ZNF418: variants seen among roughly 807,000 people sequenced by gnomAD.
ZNF418 encodes zinc finger protein 418.
In ZNF418, 32 loss-of-function variants were observed where a neutral mutation model predicts 32.0. The observed-to-expected ratio is 1.00, with a 90% CI of 0.75 to 1.34. The LOEUF (loss-of-function observed/expected upper bound fraction) is 1.34. Ranked by LOEUF, ZNF418 falls within the 40% of genes most tolerant of loss-of-function variation. ZNF418 has a pLI of 0.00. For missense variants in ZNF418, 804 were observed against 812.5 expected (o/e 0.99, Z 0.13); for synonymous variants, 276 against 270.7 (o/e 1.02, Z -0.19).
chr19:57,926,650 C>CA lies in ZNF418; in HGVS notation c.1530dup (p.Glu511Ter), dbSNP rs775561982. On this transcript the variant is annotated frameshift_variant, in exon 4 of 6. Transcript: ENST00000396147. LOFTEE classifies it low-confidence loss of function (END_TRUNC). ...AATGACTTCCCACATTCACTACACTCAAACGGTTTTTCTCCAGTGTGAACT... is the reference window on the plus strand; with the variant it reads ...AATGACTTCCCACATTCACTACACTCAAAACGGTTTTTCTCCAGTGTGAACT... 2.5e-6 allele frequency: 4 copies of CA among 1,614,142 alleles called. No homozygotes were observed. Among genetic ancestry groups the CA allele is most frequent in the Admixed American group, 3.3e-5 (2 of 60,032 alleles).
intron 5 of ZNF418, 36 bp downstream of exon 5, chr19:57,923,156 C>G (rs945967710): frequency 6.6e-6 from 1 of 151,888 alleles, no homozygotes; most frequent in Non-Finnish European, 1.5e-5. Flanking sequence ...CAAAAATTAA[C>G]CGGGCATGGT....
At position 57,926,238 on chromosome 19, in the gene ZNF418, T is replaced by A. The variant is rs776051380; in HGVS notation, c.1943A>T (p.Glu648Val). The part of the protein sequence containing the change: ...RRVHTGERPY[E>V]CSECGKSFHR... ...AAATGATTTTCCACATTCACTGCAC[T>A]CATAAGGCCTTTCTCCAGTGTGTAC... Residue 648 changes from glutamate to valine, a missense_variant, in exon 4 of 6, where the codon GAG (glutamate) becomes GTG (valine). Glu to Val is a moderately radical substitution (Grantham distance 121, BLOSUM62 -2). Coordinates refer to ENST00000396147, the MANE Select transcript of ZNF418 (RefSeq NM_133460.3). The A allele has an allele frequency of 9.3e-6, 15 of 1,613,802 alleles. No individual in the cohort carries two copies. Among genetic ancestry groups the A allele is most frequent in the Admixed American group, 3.3e-5 (2 of 59,976 alleles).
At position 57,927,921 on chromosome 19, in the gene ZNF418, C is replaced by T. The variant is rs2072316737; in HGVS notation, c.260G>A (p.Cys87Tyr). 2 of 1,614,074 alleles carry T rather than the reference C, an allele frequency of 1.2e-6. No homozygotes were observed. The highest frequency in any genetic ancestry group is 2.7e-5 in the African/African-American group (2 of 75,018). The stretch of plus-strand genomic sequence containing the variant: ...CAAAATGTCTCCCAAGATCGCGCCA[C>T]ACATTTCACAAGAGTGGGCCTTCTT... ...SPKKAHSCEM[C>Y]GAILGDILHL... The change falls in exon 4 of 6, where the codon TGT becomes TAT. Residue 87 changes from cysteine to tyrosine, a missense_variant. Coordinates refer to ENST00000396147, the MANE Select transcript of ZNF418 (RefSeq NM_133460.3).
In ZNF418 at chr19:57,934,892, G is replaced by A. The variant is rs1454623831; in HGVS notation, c.-81+269C>T. 11 of 564,272 alleles carry A rather than the reference G, an allele frequency of 1.9e-5. No homozygotes were observed. In the African/African-American group the frequency reaches 2.2e-4, roughly 11 times the overall value. 35.0% of individuals were successfully genotyped at this position (564,272 alleles called of 1,614,324 possible). A position where few individuals can be genotyped will look rare whatever the true frequency, so the allele number is the denominator to read the frequency against. On this transcript the variant is annotated intron_variant, in intron 1 of 5. Coordinates refer to ENST00000396147, the MANE Select transcript of ZNF418 (RefSeq NM_133460.3). ...AGCCTGCTCTTCCAGGAGAAGCTTC[G>A]CCTCACACGTTGTTCCCTACAGGCG...
rs1250174526 is a variant in ZNF418 at position 57,926,454 on chromosome 19, GAGA to G, written c.1724_1726del (p.Phe575del). The G allele has an allele frequency of 8.1e-6, 13 of 1,613,558 alleles. No individual in the cohort carries two copies. Among genetic ancestry groups the G allele is most frequent in the Admixed American group, 3.3e-5 (2 of 59,942 alleles). On this transcript the variant is annotated inframe_deletion, in exon 4 of 6. Coordinates refer to ENST00000396147, the MANE Select transcript of ZNF418 (RefSeq NM_133460.3). The stretch of plus-strand genomic sequence containing the variant: ...AACTCTCCTGTGTTCAAGGAGACTG[GAGA>G]AGAATTTCCCACATTCTCTGCACTC...
chr19:57,933,732 G>A (rs1212452142), intron 2 of ZNF418, 85 bp downstream of exon 2: 2 of 1,570,326 alleles, frequency 1.3e-6, no homozygotes, highest in South Asian at 1.1e-5. Flanking sequence ...AAAAAAAAAG[G>A]AAAATCTAGT....
chr19:57,933,075 T>C lies in ZNF418; in HGVS notation c.6+742A>G, dbSNP rs2072544931. ...CCTGGCCCCCACAAAAGATTTACCA[T>C]GAAAATTTGAAGTGTGTCAATGTCA... On this transcript the variant is annotated intron_variant, in intron 2 of 5. Transcript: ENST00000396147. Among the ~76,000 whole-genome samples the C allele has an allele frequency of 3.9e-5, 6 of 152,142 alleles. No individual in the cohort carries two copies. The South Asian group carries it at 1.2e-3, about 32-fold the overall frequency.
rs1213589647 is a variant in ZNF418 at position 57,935,317 on chromosome 19, A to T, written c.-237T>A. The stretch of plus-strand genomic sequence containing the variant: ...TTCAGACACCGCGGTTCGGACCCAT[A>T]GCTCCAGCGCCTCTCACCTCACAAA... On this transcript the variant is annotated 5_prime_UTR_variant, in exon 1 of 6. Transcript: ENST00000396147. 3.6e-5 allele frequency: 31 copies of T among 867,948 alleles called. No individual in the cohort carries two copies. The highest frequency in any genetic ancestry group is 4.2e-5 in the Non-Finnish European group (29 of 697,178). 53.8% of individuals were successfully genotyped at this position (867,948 alleles called of 1,614,324 possible). A position where few individuals can be genotyped will look rare whatever the true frequency, so the allele number is the denominator to read the frequency against.
In ZNF418 at chr19:57,927,923, C is replaced by T. The variant is rs1421941533; in HGVS notation, c.258G>A (p.Met86Ile). Reference protein sequence around the residue: ...VSPKKAHSCEMCGAILGDILH... With the variant: ...VSPKKAHSCEICGAILGDILH... ...AAATGTCTCCCAAGATCGCGCCACA[C>T]ATTTCACAAGAGTGGGCCTTCTTGG... Residue 86 changes from methionine (M) to isoleucine (I), a missense_variant, in exon 4 of 6, where the codon ATG becomes ATA. Physicochemically the swap from Met to Ile is conservative, Grantham distance 10. Around this residue, in one of 3 missense-constraint regions of ZNF418, gnomAD observed 307 missense variants for 304.9 expected, o/e 1.01. Coordinates refer to ENST00000396147, the MANE Select transcript of ZNF418 (RefSeq NM_133460.3). The T allele has an allele frequency of 1.2e-6, 2 of 1,613,982 alleles. No homozygotes were observed. The highest frequency in any genetic ancestry group is 1.7e-5 in the Admixed American group (1 of 59,988).
intron 2 of ZNF418, among the ~76,000 whole-genome samples, chr19:57,932,127 T>G (rs1290563214): frequency 6.6e-6 from 1 of 152,234 alleles, no homozygotes; most frequent in Non-Finnish European, 1.5e-5. Context: ...CCCTGATTTC[T>G]CAGGAGGGTG....
intron 2 of ZNF418, among the ~76,000 whole-genome samples, chr19:57,931,195 A>G (rs1444328056): frequency 2.6e-5 from 4 of 151,890 alleles, no homozygotes; most frequent in Non-Finnish European, 4.4e-5. Context: ...TCCCTCTCTA[A>G]ATACACATCC....
chr19:57,933,150 C>T (rs1386153279), intron 2 of ZNF418, among the ~76,000 whole-genome samples: 1 of 152,228 alleles, frequency 6.6e-6, no homozygotes, highest in African/African-American at 2.4e-5. Context: ...AAACAACATT[C>T]TTCACATCCC....
Position 57,926,869 on chromosome 19 carries a change from T to C in ZNF418, c.1312A>G (p.Lys438Glu). ...CGCTGATGCTGAATGAGGTTGCCCT[T>C]TCGACTAAAAGATTTCCCACATTCT... is the stretch of plus-strand genomic sequence containing the variant. Reference protein sequence around the residue: ...CGECGKSFSRKGNLIQHQRSH... With the variant: ...CGECGKSFSREGNLIQHQRSH... Residue 438 changes from lysine to glutamate, a missense_variant, in exon 4 of 6, where the codon AAG becomes GAG. Transcript: ENST00000396147. 6.2e-7 allele frequency: 1 copy of C among 1,614,152 alleles called. No homozygotes were observed. The highest frequency in any genetic ancestry group is 8.5e-7 in the Non-Finnish European group (1 of 1,180,012).
At chr19:57,925,008 C>T (rs916274268) in intron 4 of ZNF418, among the ~76,000 whole-genome samples, 5 of 152,144 alleles carry the variant, frequency 3.3e-5, no homozygotes, top group African/African-American at 1.2e-4. Context: ...CTGTCTGCCC[C>T]TTTATGACAC....
intron 2 of ZNF418, 117 bp from the exon 3 acceptor site, chr19:57,930,671 G>A (rs1290393370): frequency 6.9e-6 from 10 of 1,451,438 alleles, no homozygotes; most frequent in African/African-American, 1.4e-5. Flanking sequence ...TCAGCACAGA[G>A]GAGAAACTAG....
intron 2 of ZNF418, among the ~76,000 whole-genome samples, chr19:57,931,885 T>C (rs1408924884): frequency 6.6e-6 from 1 of 152,218 alleles, no homozygotes; most frequent in Admixed American, 6.5e-5. Context: ...AACAAAGTAT[T>C]TTAATCCCCT....
intron 2 of ZNF418, chr19:57,932,484 G>A (rs748839222): frequency 5.1e-5 from 78 of 1,535,260 alleles, no homozygotes; most frequent in Non-Finnish European, 6.5e-5. Flanking sequence ...TTCTATGAAG[G>A]CCTTCTTGCA....
chr19:57,935,157 T>C lies in ZNF418; in HGVS notation c.-81+4A>G. The C allele has an allele frequency of 1.5e-6, 2 of 1,311,842 alleles. No homozygotes were observed. Among genetic ancestry groups the C allele is most frequent in the Non-Finnish European group, 2.0e-6 (2 of 1,011,252 alleles). 81.3% of individuals were successfully genotyped at this position (1,311,842 alleles called of 1,614,324 possible). ...TGACCTGAGGGCAGGGAAGGCACAA[T>C]TACCTGAGCCGGGAGCCTCAGCGCG... On this transcript the variant is annotated splice_donor_region_variant and intron_variant, in intron 1 of 5. Transcript: ENST00000396147.
Position 57,926,142 on chromosome 19 carries a change from A to G in ZNF418, c.*8T>C. On this transcript the variant is annotated 3_prime_UTR_variant, in exon 4 of 6. Coordinates refer to ENST00000396147, the MANE Select transcript of ZNF418 (RefSeq NM_133460.3). The stretch of plus-strand genomic sequence containing the variant: ...GAGGTTTAGCTAAAGAATTTCCCAA[A>G]TTTCTTTTCACTTGTAAGGACTTCT... 1 of 1,598,826 alleles carries G rather than the reference A, an allele frequency of 6.3e-7. No individual in the cohort carries two copies. The highest frequency in any genetic ancestry group is 8.5e-7 in the Non-Finnish European group (1 of 1,171,960).
Sources: gnomAD v4.1 joint callset for allele counts (sites outside exome capture counted in the v4.1 genomes callset) on GRCh38, gnomAD v4.1.1 for gene constraint, gnomAD v4.1.1 regional missense constraint, MANE v1.5 for transcripts, NCBI Gene and HGNC (gene_info 2026-07-23, HGNC 2026-07-21) for gene names.